EARS2: variants seen among roughly 807,000 people sequenced by gnomAD.
The protein encoded by EARS2 is nondiscriminating glutamyl-tRNA synthetase EARS2, mitochondrial.
A neutral mutation model predicts 54.1 loss-of-function variants in EARS2; 50 were observed. The observed-to-expected ratio is 0.92, with a 90% CI of 0.74 to 1.17. The LOEUF (loss-of-function observed/expected upper bound fraction) is 1.17, where lower values mean the gene tolerates loss of function less well. Ranked by LOEUF, EARS2 falls within the 50% of genes most tolerant of loss-of-function variation. The pLI is 0.00. For missense variants in EARS2, 673 were observed against 675.0 expected (o/e 1.00, Z 0.03); for synonymous variants, 298 against 281.0 (o/e 1.06, Z -0.61).
intron 2 of EARS2, among the ~76,000 whole-genome samples, chr16:23,549,153 C>T (rs567102441): frequency 2.6e-5 from 4 of 152,202 alleles, no homozygotes; most frequent in Non-Finnish European, 5.9e-5. Context: ...AACACGCTCC[C>T]ACTCACCAAG....
intron 7 of EARS2, among the ~76,000 whole-genome samples, chr16:23,527,534 G>T (rs1197104198): frequency 6.8e-6 from 1 of 147,574 alleles, no homozygotes; most frequent in Non-Finnish European, 1.5e-5. Context: ...TTCAATTTCA[G>T]ACAAGAGTGA....
At position 23,521,173 on chromosome 16, in the gene EARS2, T is replaced by G. The variant is rs753477013; in HGVS notation, c.*3198A>C. On this transcript the variant is annotated 3_prime_UTR_variant, in exon 9 of 9. Transcript: ENST00000449606. ...ATCTCAGTCATTTTTAAATATACAGTTCAGCGGCATTACGTATCTTTATAA... is the reference window on the plus strand; with the variant it reads ...ATCTCAGTCATTTTTAAATATACAGGTCAGCGGCATTACGTATCTTTATAA... Among the ~76,000 whole-genome samples the G allele has an allele frequency of 2.6e-5, 4 of 152,166 alleles. 1 individual carries two copies. Among genetic ancestry groups the G allele is most frequent in the Admixed American group, 2.0e-4 (3 of 15,250 alleles).
chr16:23,540,518 A>G (rs955120339), intron 3 of EARS2, among the ~76,000 whole-genome samples: 5 of 152,398 alleles, frequency 3.3e-5, no homozygotes, highest in Non-Finnish European at 5.9e-5. Flanking sequence ...CATCAAAGCT[A>G]CAACTCGACT....
intron 2 of EARS2, 47 bp downstream of exon 2, chr16:23,552,102 C>T (rs1212821377): frequency 6.3e-7 from 1 of 1,591,298 alleles, no homozygotes; most frequent in Non-Finnish European, 8.6e-7. Flanking sequence ...CCTTTTCCTG[C>T]TTCCTGTTCC....
At chr16:23,555,691 CTT>C (rs1965765350) in intron 1 of EARS2, among the ~76,000 whole-genome samples, 1 of 152,100 alleles carries the variant, frequency 6.6e-6, no homozygotes, top group Admixed American at 6.6e-5. Context: ...GGTTTAGAAA[CTT>C]TTGTTGTTGT....
chr16:23,544,552 G>C lies in EARS2; in HGVS notation c.447C>G (p.Leu149=), dbSNP rs1316087131. The C allele has an allele frequency of 1.2e-6, 2 of 1,614,038 alleles. No homozygotes were observed. Among genetic ancestry groups the C allele is most frequent in the African/African-American group, 2.7e-5 (2 of 74,946 alleles). The change falls in exon 3 of 9, where the codon CTC becomes CTG. Residue 149 remains leucine (L), a synonymous_variant. Transcript: ENST00000449606. ...GGTTCCGCAAGGCCTCCTTCTTCAGGAGCTCCAGCCGCTGGGGTGAGCAGA... is the reference window on the plus strand; with the variant it reads ...GGTTCCGCAAGGCCTCCTTCTTCAGCAGCTCCAGCCGCTGGGGTGAGCAGA... ...PCFCSPQRLE[L]LKKEALRNHQ...
chr16:23,531,868 T>C (rs984866767), intron 5 of EARS2, among the ~76,000 whole-genome samples: 1 of 152,096 alleles, frequency 6.6e-6, no homozygotes, highest in South Asian at 2.1e-4. Flanking sequence ...CAGGTTGGAG[T>C]GCAGTGGTGT....
chr16:23,548,741 T>A (rs904734919), intron 2 of EARS2, among the ~76,000 whole-genome samples: 2 of 152,046 alleles, frequency 1.3e-5, no homozygotes, highest in Admixed American at 6.6e-5. Context: ...AACCAAACTG[T>A]CAAGTCAGGA....
intron 3 of EARS2, among the ~76,000 whole-genome samples, chr16:23,543,974 G>A (rs1297579987): frequency 1.3e-5 from 2 of 152,274 alleles, no homozygotes; most frequent in South Asian, 2.1e-4. Context: ...CCACCCCCAA[G>A]ATATCTCATT....
chr16:23,526,597 TGAAATACAGCTTTAA>T (rs1965233576), intron 7 of EARS2, among the ~76,000 whole-genome samples: 1 of 152,172 alleles, frequency 6.6e-6, no homozygotes, highest in African/African-American at 2.4e-5. Flanking sequence ...GGAAATTATC[TGAAATACAGCTTTAA>T]GATTGGTAGA....
rs1191112905 is a variant in EARS2, at chr16:23,544,653, G to C, written c.346C>G (p.Gln116Glu). 14 of 1,610,900 alleles carry C rather than the reference G, an allele frequency of 8.7e-6. No homozygotes were observed. Among genetic ancestry groups the C allele is most frequent in the Non-Finnish European group, 9.3e-6 (11 of 1,179,146 alleles). Residue 116 changes from glutamine to glutamate, a missense_variant, in exon 3 of 9, where the codon CAG (glutamine) becomes GAG (glutamate). Around this residue, in one of 3 missense-constraint regions of EARS2, gnomAD observed 316 missense variants for 275.2 expected, o/e 1.15. Transcript: ENST00000449606. Reference sequence around the variant, plus strand: ...TACAGCTCCAACCGCTGAGATTGCTGGTAGGGCCCAGCAGGACCGCCCCGG... The same window carrying C: ...TACAGCTCCAACCGCTGAGATTGCTCGTAGGGCCCAGCAGGACCGCCCCGG... ...PRRGGPAGPY[Q>E]QSQRLELYAQ...
At chr16:23,555,731 C>T (rs1260802472) in intron 1 of EARS2, among the ~76,000 whole-genome samples, 1 of 152,156 alleles carries the variant, frequency 6.6e-6, no homozygotes, top group Non-Finnish European at 1.5e-5. Flanking sequence ...CTCTGTCACC[C>T]GGGCTGCAGT....
intron 1 of EARS2, among the ~76,000 whole-genome samples, chr16:23,554,766 C>G (rs1407400931): frequency 2.6e-5 from 4 of 152,198 alleles, no homozygotes; most frequent in Non-Finnish European, 5.9e-5. Context: ...AATTCTGCAT[C>G]CACCATTTAT....
upstream of EARS2, chr16:23,557,372 TC>T (rs774579564): frequency 1.0e-4 from 158 of 1,536,640 alleles, no homozygotes; most frequent in South Asian, 8.0e-4. Context: ...CGTGGGCTTC[TC>T]CCTGCGTCAC....
At chr16:23,534,465 A>G (rs573197667) in intron 4 of EARS2, among the ~76,000 whole-genome samples, 2 of 152,344 alleles carry the variant, frequency 1.3e-5, no homozygotes, top group Middle Eastern at 3.4e-3. Flanking sequence ...CTAAATCCAT[A>G]TTAATTCTAG....
rs1567376558 is a variant in EARS2, at chr16:23,524,462, C to T, written c.1489-8G>A. On this transcript the variant is annotated splice_polypyrimidine_tract_variant and splice_region_variant and intron_variant, in intron 8 of 8. Coordinates refer to ENST00000449606, the MANE Select transcript of EARS2 (RefSeq NM_001083614.2). Reference sequence around the variant, plus strand: ...AGCTACAGGAGGTCCTTGCTAAGAACAAAAAGAGCAAATATTGCCTTACTA... The same window carrying T: ...AGCTACAGGAGGTCCTTGCTAAGAATAAAAAGAGCAAATATTGCCTTACTA... 2 of 1,612,918 alleles carry T rather than the reference C, an allele frequency of 1.2e-6. No homozygotes were observed. Among genetic ancestry groups the T allele is most frequent in the Non-Finnish European group, 8.5e-7 (1 of 1,178,986 alleles).
chr16:23,549,821 T>C (rs1965663605), intron 2 of EARS2, among the ~76,000 whole-genome samples: 1 of 152,184 alleles, frequency 6.6e-6, no homozygotes. Context: ...AGCTGGTCTT[T>C]TTGATGCTCC....
At chr16:23,556,429 A>C (rs1389349329) in intron 1 of EARS2, among the ~76,000 whole-genome samples, 5 of 152,162 alleles carry the variant, frequency 3.3e-5, no homozygotes, top group African/African-American at 4.8e-5. Context: ...ATCTTGGCTC[A>C]CCGCAATCTC....
chr16:23,543,117 CAA>C (rs35137770), intron 3 of EARS2, among the ~76,000 whole-genome samples: 3 of 71,976 alleles, frequency 4.2e-5, no homozygotes, highest in Admixed American at 2.1e-4. Flanking sequence ...TCTGTCTCAC[CAA>C]AAAAAAAAAA....
Sources: gnomAD v4.1 joint callset for allele counts (sites outside exome capture counted in the v4.1 genomes callset) on GRCh38, gnomAD v4.1.1 for gene constraint, gnomAD v4.1.1 regional missense constraint, MANE v1.5 for transcripts, NCBI Gene and HGNC (gene_info 2026-07-23, HGNC 2026-07-21) for gene names.